GABRA3: variants seen among roughly 807,000 people sequenced by gnomAD.
GABRA3 encodes gamma-aminobutyric acid receptor subunit alpha-3.
A neutral mutation model predicts 30.1 loss-of-function variants in GABRA3; 10 were observed. The ratio of observed to expected loss-of-function variants is 0.33; its 90% confidence interval spans 0.20 to 0.56. The LOEUF is 0.56. Ranked by LOEUF, GABRA3 falls within the 20% of genes least tolerant of loss-of-function variation. The pLI, the probability that GABRA3 is intolerant of heterozygous loss-of-function variation, is 0.89. For synonymous variants in GABRA3, 151 were observed against 146.8 expected (o/e 1.03, Z -0.21); for missense variants, 233 against 392.0 (o/e 0.59, Z 3.42).
chrX:152,338,148 A>T (rs142968300), intron 3 of GABRA3, among the ~76,000 whole-genome samples: 4,476 of 111,732 alleles, frequency 0.04, 205 homozygotes, highest in African/African-American at 0.14. Context: ...CATTCCACTC[A>T]ACAGTGCCCA....
At chrX:152,227,598 A>ATT (rs766305476) in intron 5 of GABRA3, among the ~76,000 whole-genome samples, 2,076 of 95,074 alleles carry the variant, frequency 0.022, 34 homozygotes, top group Non-Finnish European at 0.031. Flanking sequence ...AATGGGTTAC[A>ATT]TTTTTTTTTT....
At chrX:152,342,337 A>C (rs1940327394) in intron 3 of GABRA3, among the ~76,000 whole-genome samples, 1 of 112,001 alleles carries the variant, frequency 8.9e-6, no homozygotes, top group South Asian at 3.7e-4. Flanking sequence ...CATTTGCCCA[A>C]AAAGTCAGAA....
At chrX:152,444,918 G>A (rs1234407376) in intron 1 of GABRA3, among the ~76,000 whole-genome samples, 2 of 93,682 alleles carry the variant, frequency 2.1e-5, no homozygotes, top group Non-Finnish European at 4.2e-5. Flanking sequence ...AAAATTAGCC[G>A]GGCGTGGTGG....
chrX:152,236,236 T>C (rs1301768123), intron 5 of GABRA3, among the ~76,000 whole-genome samples: 8 of 102,663 alleles, frequency 7.8e-5, no homozygotes, highest in African/African-American at 2.9e-4. Flanking sequence ...TGAGTGAGAA[T>C]ATGCGGTGTT....
At chrX:152,173,513 C>T (rs1937031382) in intron 9 of GABRA3, among the ~76,000 whole-genome samples, 1 of 111,234 alleles carries the variant, frequency 9.0e-6, no homozygotes, top group African/African-American at 3.3e-5. Context: ...ATGGCATGAT[C>T]TCGGCTCACT....
intron 1 of GABRA3, among the ~76,000 whole-genome samples, chrX:152,369,110 C>G (rs771200784): frequency 1.8e-5 from 2 of 111,344 alleles, no homozygotes; most frequent in Non-Finnish European, 3.8e-5. Flanking sequence ...TCCACATCCT[C>G]TCTAACATGA....
chrX:152,410,410 T>C (rs1315609293), intron 1 of GABRA3, among the ~76,000 whole-genome samples: 1 of 111,536 alleles, frequency 9.0e-6, no homozygotes, highest in African/African-American at 3.3e-5. Context: ...ATGCTTGAGG[T>C]GATGGGTACC....
At position 152,239,906 on chromosome X, in the gene GABRA3, T is replaced by A. The variant is rs775937485; in HGVS notation, c.552-15061A>T. On this transcript the variant is annotated intron_variant, in intron 5 of 9. Coordinates refer to ENST00000370314, the MANE Select transcript of GABRA3 (RefSeq NM_000808.4). ...TGTGTGTCTCTGCACGTGAGATGGG[T>A]TTGCTGAATACAGCACACTGATGGG... 3.8e-3 allele frequency among the ~76,000 whole-genome samples: 388 copies of A among 101,688 alleles called. 14 individuals carry two copies. Among genetic ancestry groups the A allele is most frequent in the Non-Finnish European group, 5.7e-3 (294 of 52,005 alleles). The allele number at this position is 101,688 out of a possible 115,157, so 88.3% of individuals were successfully genotyped here.
intron 3 of GABRA3, among the ~76,000 whole-genome samples, chrX:152,291,337 C>T (rs1288336205): frequency 1.8e-5 from 2 of 111,580 alleles, no homozygotes; most frequent in African/African-American, 3.3e-5. Context: ...TATAGGAATA[C>T]TTGTGATTTT....
chrX:152,332,764 C>T (rs1305632904), intron 3 of GABRA3, among the ~76,000 whole-genome samples: 1 of 112,168 alleles, frequency 8.9e-6, no homozygotes, highest in East Asian at 2.8e-4. Context: ...ACGCAGAGGC[C>T]TGTGTAGACA....
intron 3 of GABRA3, among the ~76,000 whole-genome samples, chrX:152,310,256 A>T (rs1215624442): frequency 8.9e-6 from 1 of 112,253 alleles, no homozygotes; most frequent in Admixed American, 9.4e-5. Flanking sequence ...GACATTCAGG[A>T]CCTAAACTTG....
intron 1 of GABRA3, among the ~76,000 whole-genome samples, chrX:152,431,772 C>T (rs1021867998): frequency 9.0e-6 from 1 of 111,415 alleles, no homozygotes; most frequent in African/African-American, 3.3e-5. Flanking sequence ...GATGTGAAAA[C>T]GACTTGCCTG....
intron 9 of GABRA3, among the ~76,000 whole-genome samples, chrX:152,169,257 C>G (rs917668303): frequency 8.9e-6 from 1 of 112,416 alleles, no homozygotes; most frequent in Non-Finnish European, 1.9e-5. Context: ...TGACATGCAT[C>G]ATTACAACAG....
intron 3 of GABRA3, among the ~76,000 whole-genome samples, chrX:152,322,597 G>A (rs372963847): frequency 7.7e-4 from 82 of 107,041 alleles, no homozygotes; most frequent in African/African-American, 2.5e-3. Flanking sequence ...GCAATGGCAC[G>A]ATCTCGGCTC....
At chrX:152,240,890 A>T (rs1379037932) in intron 5 of GABRA3, among the ~76,000 whole-genome samples, 1 of 88,831 alleles carries the variant, frequency 1.1e-5, no homozygotes, top group African/African-American at 4.6e-5. Context: ...CTAGTTATAC[A>T]TTCTTCTAAA....
intron 3 of GABRA3, among the ~76,000 whole-genome samples, chrX:152,286,683 T>C (rs955288591): frequency 8.9e-6 from 1 of 111,735 alleles, no homozygotes; most frequent in African/African-American, 3.2e-5. Flanking sequence ...TTAGGCTTAA[T>C]ATATTGTGCC....
intron 1 of GABRA3, among the ~76,000 whole-genome samples, chrX:152,381,196 A>T (rs758392483): frequency 8.9e-5 from 10 of 112,078 alleles, no homozygotes; most frequent in African/African-American, 2.9e-4. Context: ...CTGTGAACTA[A>T]ATAAACTTCT....
chrX:152,371,718 CT>C (rs1426273228), intron 1 of GABRA3, among the ~76,000 whole-genome samples: 1 of 111,427 alleles, frequency 9.0e-6, no homozygotes, highest in African/African-American at 3.3e-5. Context: ...CTCATACTAT[CT>C]ATATCAATCA....
At chrX:152,371,476 G>A (rs1448171449) in intron 1 of GABRA3, among the ~76,000 whole-genome samples, 1 of 110,406 alleles carries the variant, frequency 9.1e-6, no homozygotes, top group Non-Finnish European at 1.9e-5. Flanking sequence ...CTGTCTCCTG[G>A]TCAAATGTAT....
Sources: allele counts gnomAD v4.1 joint callset (sites outside exome capture counted in the v4.1 genomes callset), GRCh38; gene constraint gnomAD v4.1.1; transcripts MANE v1.5; gene names NCBI Gene and HGNC (gene_info 2026-07-23, HGNC 2026-07-21).